Variants in GPC3 observed in about 807,000 individuals in gnomAD.
The protein encoded by GPC3 is glypican 3.
In GPC3, 3 loss-of-function variants were observed where a neutral mutation model predicts 34.4. The ratio of observed to expected loss-of-function variants is 0.09; its 90% CI spans 0.04 to 0.23. GPC3 has a LOEUF of 0.23. Ranked by LOEUF, GPC3 falls within the 10% of genes least tolerant of loss-of-function variation. The pLI, the probability that GPC3 is intolerant of heterozygous loss-of-function variation, is 1.00. For missense variants in GPC3, 351 were observed against 445.6 expected (o/e 0.79, Z 1.91); for synonymous variants, 177 against 174.0 (o/e 1.02, Z -0.13).
At chrX:133,958,724 C>CAAAAAAAAAAAAAAAAAAAAAAAAAAAA (rs1180723052) in intron 1 of GPC3, among the ~76,000 whole-genome samples, 1 of 76,485 alleles carries the variant, frequency 1.3e-5, no homozygotes, top group Non-Finnish European at 2.6e-5. Flanking sequence ...AAAAAAAAAA[C>CAAAAAAAAAAAAAAAAAAAAAAAAAAAA]AAAAAAAAAA....
intron 7 of GPC3, among the ~76,000 whole-genome samples, chrX:133,538,855 G>A (rs2069318196): frequency 1.0e-5 from 1 of 100,302 alleles, no homozygotes; most frequent in South Asian, 5.5e-4. Context: ...TAATAGTCAG[G>A]CATGTGCCAC....
intron 6 of GPC3, among the ~76,000 whole-genome samples, chrX:133,652,751 T>C (rs1363338226): frequency 8.9e-6 from 1 of 112,293 alleles, no homozygotes; most frequent in Non-Finnish European, 1.9e-5. Flanking sequence ...ATTAAAGGAC[T>C]AAGACCAAAC....
chrX:133,965,542 A>T (rs1186174519), intron 1 of GPC3, among the ~76,000 whole-genome samples: 1 of 111,558 alleles, frequency 9.0e-6, no homozygotes, highest in African/African-American at 3.3e-5. Flanking sequence ...AGAGGCGAGG[A>T]ATGATTCTCT....
chrX:133,787,248 C>T (rs2124507445), intron 2 of GPC3, among the ~76,000 whole-genome samples: 1 of 111,983 alleles, frequency 8.9e-6, no homozygotes, highest in African/African-American at 3.2e-5. Context: ...AATGAGGAGT[C>T]TGACACAATT....
chrX:133,905,111 T>C (rs2076162628), intron 2 of GPC3, among the ~76,000 whole-genome samples: 1 of 111,902 alleles, frequency 8.9e-6, no homozygotes, highest in Non-Finnish European at 1.9e-5. Flanking sequence ...CTTAAAACCA[T>C]TGTATTAAAG....
chrX:133,717,905 T>C (rs1294565706), intron 3 of GPC3, among the ~76,000 whole-genome samples: 1 of 111,717 alleles, frequency 9.0e-6, no homozygotes, highest in Non-Finnish European at 1.9e-5. Context: ...AGCTTATCAC[T>C]AGCAAATATA....
At chrX:133,836,908 A>G (rs955328640) in intron 2 of GPC3, among the ~76,000 whole-genome samples, 1 of 111,854 alleles carries the variant, frequency 8.9e-6, no homozygotes, top group Non-Finnish European at 1.9e-5. Flanking sequence ...GTGTTTTTGT[A>G]CAGCTTGTGA....
At chrX:133,952,708 T>G (rs1160305144) in intron 2 of GPC3, among the ~76,000 whole-genome samples, 2 of 112,556 alleles carry the variant, frequency 1.8e-5, no homozygotes, top group African/African-American at 6.5e-5. Context: ...AACTCATTCC[T>G]GGAGAAAACT....
At position 133,789,057 on chromosome X, in the gene GPC3, A is replaced by C. The variant is rs146079163; in HGVS notation, c.338-34881T>G. 1.9e-3 allele frequency among the ~76,000 whole-genome samples: 213 copies of C among 111,365 alleles called. 1 individual carries two copies. The highest frequency in any genetic ancestry group is 2.4e-3 in the Non-Finnish European group (126 of 53,059). The stretch of plus-strand genomic sequence containing the variant: ...TTCTATAGTCTGTAATTTGGTCCTC[A>C]GTTTTGCCCACCAGGAAATTTGATT... On this transcript the variant is annotated intron_variant, in intron 2 of 7. Transcript: ENST00000370818.
At chrX:133,686,339 G>A (rs2071002764) in intron 5 of GPC3, among the ~76,000 whole-genome samples, 1 of 111,873 alleles carries the variant, frequency 8.9e-6, no homozygotes, top group Admixed American at 9.5e-5. Flanking sequence ...TGCAGAGGTA[G>A]TGAGAGAGAT....
chrX:133,547,699 C>G (rs1445166288), intron 7 of GPC3, among the ~76,000 whole-genome samples: 1 of 110,377 alleles, frequency 9.1e-6, no homozygotes, highest in African/African-American at 3.3e-5. Context: ...GAGACAGGGT[C>G]TGGCTCTGTT....
At chrX:133,889,481 A>C (rs758778298) in intron 2 of GPC3, among the ~76,000 whole-genome samples, 1 of 112,040 alleles carries the variant, frequency 8.9e-6, no homozygotes, top group Non-Finnish European at 1.9e-5. Flanking sequence ...GTAAATCTTA[A>C]TCTATTTCGA....
At chrX:133,911,674 A>C (rs2076200576) in intron 2 of GPC3, among the ~76,000 whole-genome samples, 1 of 112,045 alleles carries the variant, frequency 8.9e-6, no homozygotes, top group South Asian at 3.8e-4. Context: ...TGACTTCACA[A>C]GAACAGTATA....
At chrX:133,953,909 T>G (rs1310474433) in intron 1 of GPC3, among the ~76,000 whole-genome samples, 5 of 111,940 alleles carry the variant, frequency 4.5e-5, no homozygotes, top group Admixed American at 3.8e-4. Context: ...TGATAAATAC[T>G]ATAGAGAAAG....
intron 2 of GPC3, among the ~76,000 whole-genome samples, chrX:133,864,992 T>C (rs927579647): frequency 8.9e-6 from 1 of 112,585 alleles, no homozygotes; most frequent in Admixed American, 9.4e-5. Flanking sequence ...GCATGCACTA[T>C]AAACTTCCTC....
intron 2 of GPC3, among the ~76,000 whole-genome samples, chrX:133,831,284 C>A (rs1280805752): frequency 8.9e-6 from 1 of 111,933 alleles, no homozygotes; most frequent in Non-Finnish European, 1.9e-5. Context: ...TAGTATTGTG[C>A]CAATGTCAAT....
At chrX:133,924,485 G>A (rs188366276) in intron 2 of GPC3, among the ~76,000 whole-genome samples, 94 of 111,811 alleles carry the variant, frequency 8.4e-4, no homozygotes, top group African/African-American at 2.9e-3. Flanking sequence ...TTACCTCCAC[G>A]GATGCTATAC....
At chrX:133,601,969 T>TG (rs2069986630) in intron 6 of GPC3, among the ~76,000 whole-genome samples, 1 of 111,908 alleles carries the variant, frequency 8.9e-6, no homozygotes, top group Non-Finnish European at 1.9e-5. Flanking sequence ...AGCACCCCCA[T>TG]GTTTATTGCA....
intron 2 of GPC3, among the ~76,000 whole-genome samples, chrX:133,823,845 C>G (rs1490525646): frequency 9.2e-6 from 1 of 109,066 alleles, no homozygotes; most frequent in Non-Finnish European, 1.9e-5. Context: ...ATTAGCCAGG[C>G]ATGGTGGCAC....
Sources: gnomAD v4.1 joint callset for allele counts (sites outside exome capture counted in the v4.1 genomes callset) on GRCh38, gnomAD v4.1.1 for gene constraint, MANE v1.5 for transcripts, NCBI Gene and HGNC (gene_info 2026-07-23, HGNC 2026-07-21) for gene names.